The following FHIT variants were observed in gnomAD, a reference collection of about 807,000 sequenced individuals.
FHIT encodes the protein bis(5'-adenosyl)-triphosphatase.
FHIT carries 19 observed loss-of-function variants against 17.9 expected under a neutral mutation model. The observed-to-expected ratio is 1.06, with a 90% CI of 0.74 to 1.56. FHIT has a LOEUF of 1.56. Among genes scored for constraint, FHIT ranks in the 40% most tolerant of loss-of-function variants. The pLI, the probability that FHIT is intolerant of heterozygous loss-of-function variation, is 0.00. For synonymous variants in FHIT, 81 were observed against 69.7 expected, an observed-to-expected ratio of 1.16 and a Z score of -0.81; for missense variants, 248 against 189.2, an observed-to-expected ratio of 1.31 and a Z score of -1.82.
At chr3:60,180,985 G>C (rs1380196172) in intron 5 of FHIT, among the ~76,000 whole-genome samples, 3 of 151,976 alleles carry the variant, frequency 2.0e-5, no homozygotes, top group Middle Eastern at 3.4e-3. Context: ...TAAAATGAAG[G>C]TGAGTAGGAA....
In FHIT at chr3:60,866,096, A is replaced by T. The variant is rs112180730; in HGVS notation, c.-110-44085T>A. On this transcript the variant is annotated intron_variant, in intron 3 of 9. Transcript: ENST00000492590. ...CCCAAAGGCTCCAAACTCCTGCCACAAATACACTGAGGGTTCCTCTCTCTA... is the reference window on the plus strand; with the variant it reads ...CCCAAAGGCTCCAAACTCCTGCCACTAATACACTGAGGGTTCCTCTCTCTA... Among the ~76,000 whole-genome samples the T allele has an allele frequency of 4.5e-4, 69 of 152,248 alleles. 1 individual carries two copies. Among genetic ancestry groups the T allele is most frequent in the Middle Eastern group, 3.4e-3 (1 of 294 alleles).
intron 5 of FHIT, among the ~76,000 whole-genome samples, chr3:60,432,689 C>T (rs1008267518): frequency 1.3e-5 from 2 of 152,026 alleles, no homozygotes; most frequent in Non-Finnish European, 2.9e-5. Context: ...TGAAAAATAG[C>T]TCCTGCCTCA....
At chr3:60,471,590 G>A (rs1010854300) in intron 5 of FHIT, among the ~76,000 whole-genome samples, 8 of 152,128 alleles carry the variant, frequency 5.3e-5, no homozygotes, top group African/African-American at 1.4e-4. Context: ...GGAGAATGGC[G>A]GAATGGTGAC....
At chr3:60,644,036 C>T (rs35432601) in intron 4 of FHIT, among the ~76,000 whole-genome samples, 3,139 of 152,226 alleles carry the variant, frequency 0.021, 107 homozygotes, top group African/African-American at 0.071. Context: ...TTGAGAAATC[C>T]CATGGCTGGT....
intron 7 of FHIT, among the ~76,000 whole-genome samples, chr3:59,996,650 T>C (rs1559534036): frequency 6.6e-6 from 1 of 152,098 alleles, no homozygotes; most frequent in Non-Finnish European, 1.5e-5. Flanking sequence ...ACACCCTTTG[T>C]ATGCCTACTG....
At chr3:60,108,593 T>G (rs968133057) in intron 5 of FHIT, among the ~76,000 whole-genome samples, 3 of 152,034 alleles carry the variant, frequency 2.0e-5, no homozygotes, top group African/African-American at 7.2e-5. Context: ...GACTCCTAGC[T>G]CGACAGATCA....
intron 5 of FHIT, among the ~76,000 whole-genome samples, chr3:60,279,153 G>T (rs1707307478): frequency 1.3e-5 from 2 of 151,726 alleles, no homozygotes; most frequent in Admixed American, 6.6e-5. Context: ...AGGCTAACCA[G>T]GAAAAAAAGA....
At chr3:61,118,100 G>C (rs546049244) in intron 2 of FHIT, among the ~76,000 whole-genome samples, 1 of 152,198 alleles carries the variant, frequency 6.6e-6, no homozygotes, top group Non-Finnish European at 1.5e-5. Context: ...TGTTCCAAAG[G>C]TCTTTCAAAA....
rs149746701 is a variant in FHIT at position 61,134,202 on chromosome 3, G to A, written c.-164+66415C>T. Among the ~76,000 whole-genome samples the A allele has an allele frequency of 2.5e-3, 373 of 152,050 alleles. 2 individuals carry two copies. Among genetic ancestry groups the A allele is most frequent in the African/African-American group, 8.6e-3 (355 of 41,460 alleles). On this transcript the variant is annotated intron_variant, in intron 2 of 9. Transcript: ENST00000492590. ...GGGGCCCAATATTACCAAGGGTAGG[G>A]GGTTGGCTCATAAGCCTCAGAAAGT...
chr3:60,114,178 A>G (rs1292922439), intron 5 of FHIT, among the ~76,000 whole-genome samples: 1 of 149,534 alleles, frequency 6.7e-6, no homozygotes, highest in Non-Finnish European at 1.5e-5. Context: ...AATCCTCATA[A>G]TCAGACAAGG....
chr3:60,793,053 G>C (rs895528024), intron 4 of FHIT, among the ~76,000 whole-genome samples: 1 of 152,124 alleles, frequency 6.6e-6, no homozygotes, highest in East Asian at 1.9e-4. Flanking sequence ...AAAGATTCTT[G>C]TGACCATAAG....
intron 5 of FHIT, among the ~76,000 whole-genome samples, chr3:60,119,556 T>C (rs1055612835): frequency 2.6e-5 from 4 of 152,204 alleles, no homozygotes; most frequent in Non-Finnish European, 5.9e-5. Flanking sequence ...TGCATATTTA[T>C]TGTTTCTTTG....
intron 5 of FHIT, among the ~76,000 whole-genome samples, chr3:60,029,879 TTGTGTGTGTGTGTGTGTCTGTG>T (rs1287653342): frequency 1.6e-4 from 21 of 131,482 alleles, no homozygotes; most frequent in African/African-American, 5.3e-4. Context: ...CATAGAAGCA[TTGTGTGTGTGTGTGTGTCTGTG>T]TGTGTGTGTG....
At chr3:60,325,686 A>G (rs901695364) in intron 5 of FHIT, among the ~76,000 whole-genome samples, 1 of 152,240 alleles carries the variant, frequency 6.6e-6, no homozygotes, top group Non-Finnish European at 1.5e-5. Flanking sequence ...TTCAAACATC[A>G]TAAACCAAGG....
chr3:60,981,502 G>T (rs1445769999), intron 3 of FHIT, among the ~76,000 whole-genome samples: 1 of 151,736 alleles, frequency 6.6e-6, no homozygotes, highest in Non-Finnish European at 1.5e-5. Flanking sequence ...GTAGAGATGG[G>T]GTTTCACTGT....
intron 3 of FHIT, among the ~76,000 whole-genome samples, chr3:60,859,147 T>C (rs548166707): frequency 1.3e-5 from 2 of 152,196 alleles, no homozygotes; most frequent in Non-Finnish European, 2.9e-5. Context: ...AAGAGCAGTA[T>C]TCAATTCCTA....
At chr3:60,129,366 A>T (rs930404457) in intron 5 of FHIT, among the ~76,000 whole-genome samples, 8 of 152,102 alleles carry the variant, frequency 5.3e-5, no homozygotes, top group African/African-American at 1.9e-4. Context: ...CTAAAAGCAC[A>T]TCAATTTACA....
At chr3:61,026,476 A>G (rs940675237) in intron 3 of FHIT, among the ~76,000 whole-genome samples, 1 of 152,180 alleles carries the variant, frequency 6.6e-6, no homozygotes, top group Admixed American at 6.5e-5. Flanking sequence ...ATACCCACCA[A>G]CATTGCTGCA....
intron 8 of FHIT, among the ~76,000 whole-genome samples, chr3:59,831,419 T>C (rs915663082): frequency 6.6e-6 from 1 of 152,092 alleles, no homozygotes; most frequent in African/African-American, 2.4e-5. Context: ...TTTTGATGAA[T>C]GAAGACACTG....
Sources: gnomAD v4.1 joint callset for allele counts (sites outside exome capture counted in the v4.1 genomes callset) on GRCh38, gnomAD v4.1.1 for gene constraint, MANE v1.5 for transcripts, NCBI Gene and HGNC (gene_info 2026-07-23, HGNC 2026-07-21) for gene names.